The following GRHL2 variants were observed in gnomAD, a reference collection of about 807,000 sequenced individuals.
GRHL2 encodes grainyhead-like protein 2 homolog.
In GRHL2, 21 loss-of-function variants were observed where a neutral mutation model predicts 83.8. That is an observed-to-expected ratio of 0.25 (90% CI 0.18 to 0.36). The LOEUF (loss-of-function observed/expected upper bound fraction) is 0.36, where lower values mean the gene tolerates loss of function less well. GRHL2 is among the 10% of genes least tolerant of loss of function. The pLI is 1.00. For synonymous variants in GRHL2, 280 were observed against 278.9 expected (o/e 1.00, Z -0.04); for missense variants, 623 against 781.8 (o/e 0.80, Z 2.42).
chr8:101,496,954 ACT>A (rs1810119257), intron 1 of GRHL2, among the ~76,000 whole-genome samples: 1 of 152,226 alleles, frequency 6.6e-6, no homozygotes, highest in Non-Finnish European at 1.5e-5. Flanking sequence ...TCAGTTCTCT[ACT>A]TAATAATCTG....
intron 12 of GRHL2, among the ~76,000 whole-genome samples, chr8:101,643,149 C>G (rs1813435160): frequency 6.6e-6 from 1 of 151,978 alleles, no homozygotes; most frequent in African/African-American, 2.4e-5. Flanking sequence ...AGTCTAAAAT[C>G]CCTCATGTCA....
At chr8:101,596,018 G>T (rs1004337617) in intron 7 of GRHL2, among the ~76,000 whole-genome samples, 43 of 152,218 alleles carry the variant, frequency 2.8e-4, no homozygotes, top group African/African-American at 1.0e-3. Flanking sequence ...TACTCAGGAG[G>T]CTGAGGCAGG....
At chr8:101,542,919 G>A (rs1279293577) in intron 1 of GRHL2, 1 of 449,980 alleles carries the variant, frequency 2.2e-6, no homozygotes, top group Non-Finnish European at 4.4e-6. Context: ...AGATGAGTGG[G>A]CTCAACACCA....
chr8:101,582,254 G>A (rs1185482451), intron 7 of GRHL2, among the ~76,000 whole-genome samples: 1 of 119,202 alleles, frequency 8.4e-6, no homozygotes, highest in Admixed American at 8.4e-5. Flanking sequence ...AAAAAAAAAT[G>A]GGACTGACAA....
chr8:101,655,100 T>C (rs1476042047), intron 14 of GRHL2, among the ~76,000 whole-genome samples: 2 of 151,952 alleles, frequency 1.3e-5, no homozygotes, highest in South Asian at 2.1e-4. Flanking sequence ...GAGAATCCCT[T>C]GAACCTGGGA....
In GRHL2 at chr8:101,630,949, T is replaced by A. The variant is rs141208619; in HGVS notation, c.1258-688T>A. 4.2e-3 allele frequency among the ~76,000 whole-genome samples: 641 copies of A among 152,230 alleles called. 5 individuals are homozygous for A. Among genetic ancestry groups the A allele is most frequent in the African/African-American group, 0.014 (597 of 41,532 alleles). On this transcript the variant is annotated intron_variant, in intron 9 of 15. Transcript: ENST00000646743. ...GTCAATTGGTTAAGTAGGGTGCGAT[T>A]TGGCAATTTGGCAAGAGGTGCCCAT...
At chr8:101,670,998 CAAGA>C (rs1814195889), downstream of GRHL2, among the ~76,000 whole-genome samples, 1 of 152,076 alleles carries the variant, frequency 6.6e-6, no homozygotes, top group Non-Finnish European at 1.5e-5. Flanking sequence ...CCAGAAGCAG[CAAGA>C]AAGAGGAAGA....
chr8:101,501,203 A>T (rs1208915484), intron 1 of GRHL2, among the ~76,000 whole-genome samples: 1 of 152,238 alleles, frequency 6.6e-6, no homozygotes, highest in South Asian at 2.1e-4. Flanking sequence ...CCTGTGGTAG[A>T]TGAAGTACCT....
At chr8:101,597,068 C>A (rs184145004) in intron 7 of GRHL2, among the ~76,000 whole-genome samples, 1 of 152,232 alleles carries the variant, frequency 6.6e-6, no homozygotes, top group African/African-American at 2.4e-5. Context: ...GCCTTGTGCT[C>A]ATCAGATTAG....
rs1814148112 is a variant in GRHL2, at chr8:101,669,185, TAATC to T, written c.*2485_*2488del. 6.7e-6 allele frequency: 1 copy of T among 149,974 alleles called. No homozygotes were observed. Among genetic ancestry groups the T allele is most frequent in the Admixed American group, 6.6e-5 (1 of 15,042 alleles). The allele number at this position is 149,974 out of a possible 1,614,324, so 9.3% of individuals were successfully genotyped here. A position where few individuals can be genotyped will look rare whatever the true frequency, so the allele number is the denominator to read the frequency against. ...TTGCCGCCTCTTCTTTTTTGTCCCT[TAATC>T]AAACTCAAATAAGCTTAAAAAAAAT... On this transcript the variant is annotated 3_prime_UTR_variant, in exon 16 of 16. Coordinates refer to ENST00000646743, the MANE Select transcript of GRHL2 (RefSeq NM_024915.4).
chr8:101,620,930 GA>G lies in GRHL2; in HGVS notation c.1257+1244del, dbSNP rs56222653. Among the ~76,000 whole-genome samples, 849 of 135,200 alleles carry G rather than the reference GA, an allele frequency of 6.3e-3. 3 individuals are homozygous for G. Among genetic ancestry groups the G allele is most frequent in the African/African-American group, 0.014 (514 of 36,696 alleles). The allele number at this position is 135,200 out of a possible 152,430, so 88.7% of individuals were successfully genotyped here. On this transcript the variant is annotated intron_variant, in intron 9 of 15. Coordinates refer to ENST00000646743, the MANE Select transcript of GRHL2 (RefSeq NM_024915.4). The stretch of plus-strand genomic sequence containing the variant: ...TTCTAAGACAAAATCCTGCTTTGGA[GA>G]AAAAAAAAAATTATCGGAGTAAAGT...
intron 1 of GRHL2, among the ~76,000 whole-genome samples, chr8:101,496,352 C>G (rs569604): frequency 0.8 from 122,040 of 152,074 alleles, 50,739 homozygotes; most frequent in Non-Finnish European, 0.93. Flanking sequence ...ACTCTCTAGT[C>G]TTTAGTTTTA....
chr8:101,493,636 C>G (rs1245192793), intron 1 of GRHL2, among the ~76,000 whole-genome samples: 1 of 152,154 alleles, frequency 6.6e-6, no homozygotes, highest in Admixed American at 6.5e-5. Context: ...GCTCGCGGCC[C>G]TCCACGCAGT....
intron 8 of GRHL2, among the ~76,000 whole-genome samples, chr8:101,617,832 C>T (rs551386781): frequency 6.6e-6 from 1 of 152,256 alleles, no homozygotes; most frequent in East Asian, 1.9e-4. Flanking sequence ...CAGTCCGTTT[C>T]TCATGGTTTT....
chr8:101,500,065 ACT>A (rs778862986), intron 1 of GRHL2, among the ~76,000 whole-genome samples: 1 of 152,072 alleles, frequency 6.6e-6, no homozygotes, highest in Non-Finnish European at 1.5e-5. Context: ...CCAGAGTGAG[ACT>A]CTGTCTCAGA....
intron 12 of GRHL2, among the ~76,000 whole-genome samples, chr8:101,641,596 C>T (rs895348026): frequency 4.6e-5 from 7 of 152,122 alleles, no homozygotes; most frequent in African/African-American, 1.4e-4. Flanking sequence ...ACCTTTATAC[C>T]TCAGGGACTT....
At chr8:101,540,948 A>T (rs1811139746) in intron 1 of GRHL2, among the ~76,000 whole-genome samples, 1 of 152,106 alleles carries the variant, frequency 6.6e-6, no homozygotes, top group African/African-American at 2.4e-5. Context: ...ACATTGTACC[A>T]ATGTTTATTA....
rs761608040 is a variant in GRHL2 at position 101,628,545 on chromosome 8, G to A, written c.1258-3092G>A. Among the ~76,000 whole-genome samples, 19 of 152,026 alleles carry A rather than the reference G, an allele frequency of 1.2e-4. 1 individual carries two copies. Among genetic ancestry groups the A allele is most frequent in the Admixed American group, 6.6e-4 (10 of 15,220 alleles). On this transcript the variant is annotated intron_variant, in intron 9 of 15. Transcript: ENST00000646743. ...ACATCCATTCTGCAGCCCATGGATC[G>A]AGGAATAATTCTGATTTTCCAGTCT...
intron 1 of GRHL2, among the ~76,000 whole-genome samples, chr8:101,507,104 T>C (rs1342568919): frequency 6.6e-6 from 1 of 152,182 alleles, no homozygotes; most frequent in East Asian, 1.9e-4. Flanking sequence ...CCTGTTCTTA[T>C]TTTTCATTTA....
Sources: allele counts gnomAD v4.1 joint callset (sites outside exome capture counted in the v4.1 genomes callset), GRCh38; gene constraint gnomAD v4.1.1; transcripts MANE v1.5; gene names NCBI Gene and HGNC (gene_info 2026-07-23, HGNC 2026-07-21).